MAGI2: variants seen among roughly 807,000 people sequenced by gnomAD.
The protein encoded by MAGI2 is membrane associated guanylate kinase, WW and PDZ domain containing 2, also known as membrane-associated guanylate kinase, WW and PDZ domain-containing protein 2.
MAGI2 carries 35 observed loss-of-function variants against 133.3 expected under a neutral mutation model. The ratio of observed to expected loss-of-function variants is 0.26; its 90% CI spans 0.20 to 0.35. MAGI2 has a LOEUF of 0.35. MAGI2 is among the 10% of genes least tolerant of loss of function. MAGI2 has a pLI of 1.00. For synonymous variants in MAGI2, 729 were observed against 710.6 expected, an observed-to-expected ratio of 1.03 and a Z score of -0.41; for missense variants, 1,636 against 1,863.4, an observed-to-expected ratio of 0.88 and a Z score of 2.25.
At chr7:78,672,926 A>C (rs1478061392) in intron 2 of MAGI2, among the ~76,000 whole-genome samples, 2 of 152,228 alleles carry the variant, frequency 1.3e-5, no homozygotes, top group African/African-American at 2.4e-5. Context: ...GGGTTGCAAC[A>C]AACTTTCATC....
intron 1 of MAGI2, among the ~76,000 whole-genome samples, chr7:79,394,910 T>C (rs1191956592): frequency 6.6e-6 from 1 of 152,222 alleles, no homozygotes; most frequent in Non-Finnish European, 1.5e-5. Flanking sequence ...AGACTATAAA[T>C]ATCAGTCCTT....
At chr7:78,368,924 C>G (rs758709716) in intron 7 of MAGI2, among the ~76,000 whole-genome samples, 5 of 151,948 alleles carry the variant, frequency 3.3e-5, no homozygotes, top group Non-Finnish European at 5.9e-5. Context: ...CAGTGTGAAA[C>G]ACACTTTTTC....
At chr7:79,347,218 C>T (rs1283602074) in intron 1 of MAGI2, among the ~76,000 whole-genome samples, 7 of 151,802 alleles carry the variant, frequency 4.6e-5, no homozygotes, top group Non-Finnish European at 7.4e-5. Flanking sequence ...TCTGTCATGT[C>T]GACGTCTTGC....
At chr7:79,201,994 A>G (rs1277408386) in intron 1 of MAGI2, among the ~76,000 whole-genome samples, 1 of 151,976 alleles carries the variant, frequency 6.6e-6, no homozygotes, top group Non-Finnish European at 1.5e-5. Context: ...TCATGATTAA[A>G]GACATTAGTT....
intron 2 of MAGI2, among the ~76,000 whole-genome samples, chr7:78,989,101 G>T (rs1805525837): frequency 6.6e-6 from 1 of 152,032 alleles, no homozygotes; most frequent in South Asian, 2.1e-4. Flanking sequence ...AGAAAAATGA[G>T]CCAGAGACAT....
At chr7:78,407,805 T>C (rs1489540996) in intron 6 of MAGI2, among the ~76,000 whole-genome samples, 1 of 151,890 alleles carries the variant, frequency 6.6e-6, no homozygotes, top group Non-Finnish European at 1.5e-5. Context: ...GGGTGTCTCT[T>C]ACTGAGGTGC....
chr7:79,086,254 T>G (rs1329487882), intron 1 of MAGI2, among the ~76,000 whole-genome samples: 1 of 151,764 alleles, frequency 6.6e-6, no homozygotes, highest in Non-Finnish European at 1.5e-5. Flanking sequence ...ACAATGGAGT[T>G]TTTTAGGAAG....
At chr7:79,069,303 T>C (rs1814706981) in intron 1 of MAGI2, among the ~76,000 whole-genome samples, 1 of 152,158 alleles carries the variant, frequency 6.6e-6, no homozygotes. Context: ...CGCATATATA[T>C]TTAGGACAGT....
Position 78,856,449 on chromosome 7 carries a change from C to G in MAGI2, c.418+150641G>C, listed in dbSNP as rs533879712. 2.4e-4 allele frequency among the ~76,000 whole-genome samples: 36 copies of G among 152,196 alleles called. 1 individual carries two copies. The highest frequency in any genetic ancestry group is 3.1e-4 in the Non-Finnish European group (21 of 68,034). On this transcript the variant is annotated intron_variant, in intron 2 of 21. Coordinates refer to ENST00000354212, the MANE Select transcript of MAGI2 (RefSeq NM_012301.4). ...TTGTATAAGGTGTAAGGAAAGGATGCAGTTTCAGCTTTCTACATATAGCTA... is the reference window on the plus strand; with the variant it reads ...TTGTATAAGGTGTAAGGAAAGGATGGAGTTTCAGCTTTCTACATATAGCTA...
At chr7:78,955,147 A>G (rs1315710124) in intron 2 of MAGI2, among the ~76,000 whole-genome samples, 1 of 152,178 alleles carries the variant, frequency 6.6e-6, no homozygotes, top group Non-Finnish European at 1.5e-5. Context: ...TAATGAGACC[A>G]TTTCATAATG....
At chr7:79,259,834 A>C (rs2129556308) in intron 1 of MAGI2, among the ~76,000 whole-genome samples, 1 of 152,324 alleles carries the variant, frequency 6.6e-6, no homozygotes, top group Non-Finnish European at 1.5e-5. Flanking sequence ...CCTGTTTAAC[A>C]CAAAATGGTG....
Position 78,690,798 on chromosome 7 carries a change from C to G in MAGI2, c.419-63559G>C, listed in dbSNP as rs192155163. Among the ~76,000 whole-genome samples, 224 of 152,258 alleles carry G rather than the reference C, an allele frequency of 1.5e-3. 1 individual carries two copies. The highest frequency in any genetic ancestry group is 5.2e-3 in the African/African-American group (217 of 41,554). ...TTAATGATTGCTTAAATACAGGTCC[C>G]TCAAAAATATTTCCTGAATAGTCAC... On this transcript the variant is annotated intron_variant, in intron 2 of 21. Coordinates refer to ENST00000354212, the MANE Select transcript of MAGI2 (RefSeq NM_012301.4).
At chr7:79,223,151 C>T (rs1332215637) in intron 1 of MAGI2, among the ~76,000 whole-genome samples, 2 of 152,040 alleles carry the variant, frequency 1.3e-5, no homozygotes, top group South Asian at 2.1e-4. Context: ...TCCCAAAGTG[C>T]TGGGATTATA....
At chr7:78,700,048 C>T (rs1490655824) in intron 2 of MAGI2, among the ~76,000 whole-genome samples, 1 of 152,070 alleles carries the variant, frequency 6.6e-6, no homozygotes, top group African/African-American at 2.4e-5. Context: ...TTTTATTTAT[C>T]TACTGTGCTA....
At chr7:78,899,328 C>T (rs1249226967) in intron 2 of MAGI2, among the ~76,000 whole-genome samples, 2 of 152,068 alleles carry the variant, frequency 1.3e-5, no homozygotes, top group Non-Finnish European at 1.5e-5. Flanking sequence ...ATACTTAAAT[C>T]GTTAATGTTA....
At chr7:79,032,516 T>C (rs1359357328) in intron 1 of MAGI2, among the ~76,000 whole-genome samples, 1 of 96,834 alleles carries the variant, frequency 1.0e-5, no homozygotes, top group Non-Finnish European at 2.0e-5. Context: ...AGACTCTGAC[T>C]CAGAAAAAAA....
intron 6 of MAGI2, among the ~76,000 whole-genome samples, chr7:78,374,240 T>G (rs952892850): frequency 1.3e-5 from 2 of 152,190 alleles, no homozygotes; most frequent in Admixed American, 6.6e-5. Flanking sequence ...TTTTCTGACT[T>G]TTTATTAATG....
intron 6 of MAGI2, among the ~76,000 whole-genome samples, chr7:78,399,204 C>T (rs902775690): frequency 7.9e-5 from 12 of 152,096 alleles, no homozygotes; most frequent in South Asian, 2.1e-4. Context: ...CATTCTAAAA[C>T]GCTTACATTC....
intron 3 of MAGI2, among the ~76,000 whole-genome samples, chr7:78,528,675 A>G (rs981729176): frequency 1.5e-4 from 23 of 152,134 alleles, no homozygotes; most frequent in African/African-American, 5.5e-4. Flanking sequence ...TTTTGAAATT[A>G]TTTTTGTAAG....
Sources: allele counts gnomAD v4.1 joint callset (sites outside exome capture counted in the v4.1 genomes callset), GRCh38; gene constraint gnomAD v4.1.1; transcripts MANE v1.5; gene names NCBI Gene and HGNC (gene_info 2026-07-23, HGNC 2026-07-21).